The following NRG2 variants were observed in gnomAD, a reference collection of about 807,000 sequenced individuals.
NRG2 encodes pro-neuregulin-2, membrane-bound isoform.
NRG2 carries 27 observed loss-of-function variants against 73.9 expected under a neutral mutation model. The observed-to-expected ratio is 0.37, with a 90% CI of 0.27 to 0.50. NRG2 has a LOEUF of 0.50. NRG2 is among the 20% of genes least tolerant of loss of function. The pLI, the probability that NRG2 is intolerant of heterozygous loss-of-function variation, is 0.96. For synonymous variants in NRG2, 532 were observed against 541.0 expected, an observed-to-expected ratio of 0.98 and a Z score of 0.23; for missense variants, 1,126 against 1,210.1, an observed-to-expected ratio of 0.93 and a Z score of 1.03.
At chr5:139,859,682 A>C (rs1269329942) in intron 5 of NRG2, among the ~76,000 whole-genome samples, 1 of 152,148 alleles carries the variant, frequency 6.6e-6, no homozygotes, top group East Asian at 1.9e-4. Flanking sequence ...CGAACCCCTG[A>C]GTGCCCTTCT....
rs1762069450 is a variant in NRG2, at chr5:140,042,955, T to G, written c.115A>C (p.Ser39Arg). The G allele has an allele frequency of 6.5e-7, 1 of 1,544,914 alleles. No individual in the cohort carries two copies. The highest frequency in any genetic ancestry group is 1.4e-5 in the African/African-American group (1 of 72,986). ...SSERSSSSSS[S>R]SSESGSSSRS... ...CTGCTGCTGCCGCTCTCGCTGCTGC[T>G]GCTGCTGCTGCTGCTGCTCCTCTCG... The change falls in exon 1 of 10, where the codon AGC becomes CGC. Residue 39 changes from serine (S) to arginine (R), a missense_variant. Transcript: ENST00000361474.
chr5:139,975,748 A>G (rs543912238), intron 1 of NRG2, among the ~76,000 whole-genome samples: 1 of 152,320 alleles, frequency 6.6e-6, no homozygotes, highest in African/African-American at 2.4e-5. Flanking sequence ...GTGAAGCTCA[A>G]TAGATCACCT....
chr5:140,039,127 G>T (rs1392680339), intron 1 of NRG2, among the ~76,000 whole-genome samples: 1 of 152,092 alleles, frequency 6.6e-6, no homozygotes, highest in African/African-American at 2.4e-5. Flanking sequence ...TGCTAATCAG[G>T]AAATCCCAAA....
At chr5:139,867,353 G>T (rs1762528802) in intron 4 of NRG2, among the ~76,000 whole-genome samples, 1 of 152,196 alleles carries the variant, frequency 6.6e-6, no homozygotes, top group East Asian at 1.9e-4. Context: ...GGTGGTGGAG[G>T]GCTGGGAAGT....
intron 5 of NRG2, among the ~76,000 whole-genome samples, chr5:139,864,756 GCACACACACA>G (rs111734532): frequency 6.7e-6 from 1 of 148,776 alleles, no homozygotes; most frequent in Non-Finnish European, 1.5e-5. Context: ...AAACACGTCG[GCACACACACA>G]CACACACACA....
At chr5:140,010,882 G>A (rs265158) in intron 1 of NRG2, among the ~76,000 whole-genome samples, 127,299 of 152,230 alleles carry the variant, frequency 0.84, 53,555 homozygotes, top group African/African-American at 0.93. Context: ...CTTGTTAACA[G>A]TTGTTTAAAC....
At chr5:139,920,230 A>G (rs1181540183) in intron 1 of NRG2, among the ~76,000 whole-genome samples, 1 of 152,218 alleles carries the variant, frequency 6.6e-6, no homozygotes, top group Non-Finnish European at 1.5e-5. Context: ...TAGGTTAAGG[A>G]GAGTTTCTGA....
At chr5:139,861,358 A>G (rs1187593151) in intron 5 of NRG2, among the ~76,000 whole-genome samples, 1 of 152,178 alleles carries the variant, frequency 6.6e-6, no homozygotes, top group African/African-American at 2.4e-5. Context: ...AGTCCTGCGC[A>G]TTATCCATCC....
At chr5:140,015,982 G>A (rs1256927560) in intron 1 of NRG2, among the ~76,000 whole-genome samples, 2 of 152,178 alleles carry the variant, frequency 1.3e-5, no homozygotes, top group East Asian at 3.8e-4. Flanking sequence ...AGGTATGGCT[G>A]GCATTGGCTC....
intron 1 of NRG2, among the ~76,000 whole-genome samples, chr5:139,995,872 C>T (rs1561738958): frequency 6.6e-6 from 1 of 152,064 alleles, no homozygotes; most frequent in African/African-American, 2.4e-5. Context: ...AAAAATTAGC[C>T]ATGCATGGTG....
At chr5:139,956,496 C>G (rs1754638534) in intron 1 of NRG2, among the ~76,000 whole-genome samples, 1 of 152,200 alleles carries the variant, frequency 6.6e-6, no homozygotes, top group South Asian at 2.1e-4. Flanking sequence ...GCTGTTGCCT[C>G]TCCAGCATCC....
intron 1 of NRG2, among the ~76,000 whole-genome samples, chr5:139,935,303 G>A (rs1283451251): frequency 6.6e-6 from 1 of 152,196 alleles, no homozygotes; most frequent in Non-Finnish European, 1.5e-5. Flanking sequence ...TCTCTGAATA[G>A]TTGATACAAT....
rs1308970374 is a variant in NRG2 at position 140,042,772 on chromosome 5, C to T, written c.298G>A (p.Gly100Ser). The stretch of plus-strand genomic sequence containing the variant: ...ACACCGAAGAGCAGCATGGAGAAGC[C>T]GGGGGCCGGGTCGCGCCTCATGCCG... The part of the protein sequence containing the change: ...AGGMRRDPAP[G>S]FSMLLFGVSL... Residue 100 changes from glycine to serine, a missense_variant, in exon 1 of 10, where the codon GGC (glycine) becomes AGC (serine). Physicochemically the swap from Gly to Ser is moderately conservative, Grantham distance 56. This residue lies in a region of NRG2 where 185 missense variants were observed against 149.0 expected (regional missense o/e 1.24). Coordinates refer to ENST00000361474, the MANE Select transcript of NRG2 (RefSeq NM_004883.3). 8.4e-6 allele frequency: 13 copies of T among 1,539,156 alleles called. No homozygotes were observed. The highest frequency in any genetic ancestry group is 1.4e-5 in the African/African-American group (1 of 72,076).
At chr5:140,010,695 T>C (rs1255457371) in intron 1 of NRG2, among the ~76,000 whole-genome samples, 2 of 152,154 alleles carry the variant, frequency 1.3e-5, no homozygotes, top group African/African-American at 4.8e-5. Flanking sequence ...ATGTGTACCT[T>C]AAGGTCACAG....
chr5:139,902,946 AAGG>A (rs1349265187), intron 1 of NRG2, among the ~76,000 whole-genome samples: 2 of 152,216 alleles, frequency 1.3e-5, no homozygotes, highest in African/African-American at 4.8e-5. Flanking sequence ...TCTTAAAAAG[AAGG>A]AGAACACAGT....
intron 1 of NRG2, among the ~76,000 whole-genome samples, chr5:139,959,263 G>A (rs372509192): frequency 2.0e-5 from 3 of 152,168 alleles, no homozygotes; most frequent in South Asian, 2.1e-4. Context: ...GCAATGGCAC[G>A]ATCTCAGCTC....
At chr5:139,893,067 A>T (rs1444713742) in intron 1 of NRG2, among the ~76,000 whole-genome samples, 1 of 152,242 alleles carries the variant, frequency 6.6e-6, no homozygotes, top group Non-Finnish European at 1.5e-5. Flanking sequence ...AAGGAAAAAG[A>T]AAAACACATT....
At chr5:140,011,158 C>A (rs749796374) in intron 1 of NRG2, among the ~76,000 whole-genome samples, 1 of 152,220 alleles carries the variant, frequency 6.6e-6, no homozygotes, top group African/African-American at 2.4e-5. Flanking sequence ...AACAATCTGG[C>A]CACAGCCTAT....
intron 1 of NRG2, among the ~76,000 whole-genome samples, chr5:139,956,475 G>A (rs751793208): frequency 2.6e-5 from 4 of 152,138 alleles, no homozygotes; most frequent in Non-Finnish European, 4.4e-5. Context: ...GGTCCTTGAG[G>A]GAAGGATCAA....
Sources: gnomAD v4.1 joint callset for allele counts (sites outside exome capture counted in the v4.1 genomes callset) on GRCh38, gnomAD v4.1.1 for gene constraint, gnomAD v4.1.1 regional missense constraint, MANE v1.5 for transcripts, NCBI Gene and HGNC (gene_info 2026-07-23, HGNC 2026-07-21) for gene names.